GXYLT2: variants seen among roughly 807,000 people sequenced by gnomAD.
GXYLT2 encodes glycosyltransferase 8 domain containing 4.
In GXYLT2, 53 loss-of-function variants were observed where a neutral mutation model predicts 45.8. The ratio of observed to expected loss-of-function variants is 1.16; its 90% confidence interval spans 0.93 to 1.46. GXYLT2 has a LOEUF of 1.46. Ranked by LOEUF, GXYLT2 falls within the 40% of genes most tolerant of loss-of-function variation. The pLI is 0.00. For synonymous variants in GXYLT2, 219 were observed against 214.2 expected, an observed-to-expected ratio of 1.02 and a Z score of -0.19; for missense variants, 551 against 544.4, an observed-to-expected ratio of 1.01 and a Z score of -0.12.
At chr3:72,949,510 T>C (rs1193281921) in intron 3 of GXYLT2, among the ~76,000 whole-genome samples, 20 of 113,568 alleles carry the variant, frequency 1.8e-4, no homozygotes, top group East Asian at 1.6e-3. Context: ...TTCTTTTTTT[T>C]TTTTTTTTTT....
intron 3 of GXYLT2, among the ~76,000 whole-genome samples, chr3:72,930,883 T>C (rs1211330944): frequency 6.6e-6 from 1 of 152,038 alleles, no homozygotes; most frequent in Non-Finnish European, 1.5e-5. Context: ...CATGAGCCAC[T>C]GCACCCAGCT....
In GXYLT2 at chr3:72,967,530, T is replaced by C. The variant is rs368178114; in HGVS notation, c.977-17T>C. The C allele has an allele frequency of 1.8e-5, 29 of 1,608,488 alleles. 1 individual carries two copies. The African/African-American group carries it at 3.2e-4, about 18-fold the overall frequency. Reference sequence around the variant, plus strand: ...CACTAACCGTGGACATATATGTCTTTCTCTTTTTACCACCAGAGTGTCTCT... The same window carrying C: ...CACTAACCGTGGACATATATGTCTTCCTCTTTTTACCACCAGAGTGTCTCT... On this transcript the variant is annotated splice_polypyrimidine_tract_variant and intron_variant, in intron 5 of 6. Coordinates refer to ENST00000389617, the MANE Select transcript of GXYLT2 (RefSeq NM_001080393.2).
At chr3:72,916,826 TTGAG>T (rs1236010833) in intron 2 of GXYLT2, among the ~76,000 whole-genome samples, 3 of 151,712 alleles carry the variant, frequency 2.0e-5, no homozygotes, top group African/African-American at 7.3e-5. Flanking sequence ...CCAGCCGCAG[TTGAG>T]TTTTAACAGC....
chr3:72,969,506 A>T (rs1298999730), intron 6 of GXYLT2, among the ~76,000 whole-genome samples: 1 of 152,072 alleles, frequency 6.6e-6, no homozygotes, highest in Middle Eastern at 3.4e-3. Context: ...ATGTATTGTC[A>T]TTTTTCTTTT....
rs1426625965 is a variant in GXYLT2, at chr3:72,969,759, C to G, written c.1149+2040C>G. ...CTACTCCTTTACAGAAAAAGTTAGC[C>G]AGCCCCTGACATAAAACATGTAGAA... On this transcript the variant is annotated intron_variant, in intron 6 of 6. Transcript: ENST00000389617. Among the ~76,000 whole-genome samples, 4 of 152,028 alleles carry G rather than the reference C, an allele frequency of 2.6e-5. No individual in the cohort carries two copies. In the South Asian group the frequency reaches 6.2e-4, roughly 24 times the overall value.
chr3:72,893,023 T>C (rs553344930), intron 1 of GXYLT2, among the ~76,000 whole-genome samples: 1 of 152,298 alleles, frequency 6.6e-6, no homozygotes, highest in Admixed American at 6.5e-5. Context: ...TGCAGGTGCC[T>C]ACTCTCTGGT....
At chr3:72,968,358 G>T (rs1559753461) in intron 6 of GXYLT2, among the ~76,000 whole-genome samples, 1 of 152,164 alleles carries the variant, frequency 6.6e-6, no homozygotes, top group African/African-American at 2.4e-5. Flanking sequence ...ACAATAAAAA[G>T]AAAATGATAT....
intron 3 of GXYLT2, among the ~76,000 whole-genome samples, chr3:72,928,795 C>A (rs74280947): frequency 0.014 from 1,993 of 138,308 alleles, 46 homozygotes; most frequent in African/African-American, 0.046. Context: ...CAAAAAAAAA[C>A]CCCATAAAAA....
intron 6 of GXYLT2, among the ~76,000 whole-genome samples, chr3:72,968,608 C>A (rs1271072258): frequency 6.6e-6 from 1 of 152,244 alleles, no homozygotes; most frequent in Non-Finnish European, 1.5e-5. Flanking sequence ...ATGGCAGGAA[C>A]CTTCTCACTG....
chr3:72,939,009 G>A (rs1272731461), intron 3 of GXYLT2, among the ~76,000 whole-genome samples: 5 of 152,084 alleles, frequency 3.3e-5, no homozygotes, highest in Non-Finnish European at 7.4e-5. Flanking sequence ...TTGTTAGAAC[G>A]TCACAAAAAT....
chr3:72,953,261 G>T (rs902138452), intron 3 of GXYLT2, among the ~76,000 whole-genome samples: 1 of 151,980 alleles, frequency 6.6e-6, no homozygotes, highest in Admixed American at 6.6e-5. Flanking sequence ...CTTTTATTAG[G>T]ACACACAGCC....
chr3:72,922,007 T>G (rs1709840694), intron 2 of GXYLT2, among the ~76,000 whole-genome samples, 197 bp from the exon 3 acceptor site: 1 of 152,222 alleles, frequency 6.6e-6, no homozygotes, highest in Admixed American at 6.5e-5. Flanking sequence ...CAACGGTGAA[T>G]GTTATTTTTT....
At chr3:72,926,446 A>C (rs1456208662) in intron 3 of GXYLT2, among the ~76,000 whole-genome samples, 1 of 152,252 alleles carries the variant, frequency 6.6e-6, no homozygotes, top group Non-Finnish European at 1.5e-5. Flanking sequence ...TGCATATTTC[A>C]GGTAATTCAG....
intron 4 of GXYLT2, 121 bp from the exon 5 acceptor site, chr3:72,957,108 A>G (rs1238129931): frequency 2.3e-5 from 23 of 1,007,010 alleles, no homozygotes; most frequent in Non-Finnish European, 2.8e-5. Context: ...GAATAGCAGG[A>G]CCCCTCCTGT....
chr3:72,955,911 C>G lies in GXYLT2; in HGVS notation c.852+562C>G, dbSNP rs10451960. ...TGACCAACATGGCGAAACCCTGTCT[C>G]TATTAAAAACACAAAAATTAGCCAG... On this transcript the variant is annotated intron_variant, in intron 4 of 6. Transcript: ENST00000389617. 2.0e-4 allele frequency among the ~76,000 whole-genome samples: 31 copies of G among 152,258 alleles called. 1 individual carries two copies. The highest frequency in any genetic ancestry group is 6.7e-4 in the African/African-American group (28 of 41,554).
chr3:72,953,977 G>C (rs553525423), intron 3 of GXYLT2, among the ~76,000 whole-genome samples: 1 of 152,232 alleles, frequency 6.6e-6, no homozygotes, highest in African/African-American at 2.4e-5. Flanking sequence ...TGTCGTCCTA[G>C]CTACTCGGGA....
At chr3:72,893,621 T>C (rs1449071577) in intron 1 of GXYLT2, among the ~76,000 whole-genome samples, 3 of 152,238 alleles carry the variant, frequency 2.0e-5, no homozygotes, top group Admixed American at 6.5e-5. Flanking sequence ...ATAGCAGATA[T>C]TCAATAAATA....
At chr3:72,901,267 T>C (rs77712747) in intron 1 of GXYLT2, among the ~76,000 whole-genome samples, 42,602 of 144,426 alleles carry the variant, frequency 0.29, 6,534 homozygotes, top group Non-Finnish European at 0.34. Flanking sequence ...CCAGCCTGGG[T>C]GACAGATCTA....
chr3:72,932,147 G>A (rs1710050648), intron 3 of GXYLT2, among the ~76,000 whole-genome samples: 1 of 151,688 alleles, frequency 6.6e-6, no homozygotes, highest in African/African-American at 2.4e-5. Flanking sequence ...CCGCCTTCTG[G>A]GTTCAAGCAA....
Sources: gnomAD v4.1 joint callset for allele counts (sites outside exome capture counted in the v4.1 genomes callset) on GRCh38, gnomAD v4.1.1 for gene constraint, MANE v1.5 for transcripts, NCBI Gene and HGNC (gene_info 2026-07-23, HGNC 2026-07-21) for gene names.